NRG3: variants seen among roughly 807,000 people sequenced by gnomAD.
The protein encoded by NRG3 is neuregulin 3.
In NRG3, 31 loss-of-function variants were observed where a neutral mutation model predicts 66.9. The ratio of observed to expected loss-of-function variants is 0.46; its 90% CI spans 0.35 to 0.63. NRG3 has a LOEUF of 0.63. NRG3 is among the 20% of genes least tolerant of loss of function. NRG3 has a pLI of 0.00. For missense variants in NRG3, 910 were observed against 878.9 expected, an observed-to-expected ratio of 1.04 and a Z score of -0.45; for synonymous variants, 393 against 359.4, an observed-to-expected ratio of 1.09 and a Z score of -1.06.
chr10:82,671,667 T>A (rs932542328), intron 2 of NRG3, among the ~76,000 whole-genome samples: 1 of 152,312 alleles, frequency 6.6e-6, no homozygotes, highest in South Asian at 2.1e-4. Flanking sequence ...TCATCCTTTG[T>A]AAAATGAGGT....
chr10:82,018,282 C>G lies in NRG3; in HGVS notation c.823+142119C>G, dbSNP rs536235203. On this transcript the variant is annotated intron_variant, in intron 1 of 8. Coordinates refer to ENST00000372141, the MANE Select transcript of NRG3 (RefSeq NM_001010848.4). ...TTGTTTCTGAGGGCTCTATTCTGTT[C>G]CATTGGTCTACATCTCTCTTTTGGT... is the stretch of plus-strand genomic sequence containing the variant. Among the ~76,000 whole-genome samples the G allele has an allele frequency of 5.3e-5, 8 of 152,210 alleles. No individual in the cohort carries two copies. In the East Asian group the frequency reaches 1.5e-3, roughly 29 times the overall value.
chr10:82,351,320 A>G (rs1212063542), intron 1 of NRG3, among the ~76,000 whole-genome samples: 5 of 152,196 alleles, frequency 3.3e-5, no homozygotes, highest in Non-Finnish European at 7.3e-5. Context: ...TGGGAAATAA[A>G]GTTGTTGTAG....
chr10:82,564,605 A>T (rs2045271073), intron 2 of NRG3, among the ~76,000 whole-genome samples: 1 of 152,066 alleles, frequency 6.6e-6, no homozygotes, highest in Non-Finnish European at 1.5e-5. Context: ...TTTGAACCAT[A>T]GAGAAAGAGA....
At chr10:81,993,282 G>A (rs2060809441) in intron 1 of NRG3, among the ~76,000 whole-genome samples, 1 of 152,172 alleles carries the variant, frequency 6.6e-6, no homozygotes, top group Non-Finnish European at 1.5e-5. Context: ...AAAGCCTAGA[G>A]AGAGGATATT....
At chr10:82,521,282 G>C (rs1230974011) in intron 2 of NRG3, among the ~76,000 whole-genome samples, 2 of 152,150 alleles carry the variant, frequency 1.3e-5, no homozygotes, top group Non-Finnish European at 2.9e-5. Context: ...GGAAGGTCTT[G>C]CCTCGATGTT....
At chr10:82,290,126 G>A (rs1303725832) in intron 1 of NRG3, among the ~76,000 whole-genome samples, 6 of 152,098 alleles carry the variant, frequency 3.9e-5, no homozygotes, top group South Asian at 2.1e-4. Context: ...CTGCTGCACC[G>A]TCATCCTTGG....
intron 4 of NRG3, among the ~76,000 whole-genome samples, chr10:82,917,934 C>CTG (rs34048016): frequency 3.4e-5 from 5 of 144,978 alleles, no homozygotes; most frequent in African/African-American, 1.3e-4. Flanking sequence ...ACACACACCC[C>CTG]TGTGTGTATG....
chr10:81,965,910 A>T (rs1691402154), intron 1 of NRG3, among the ~76,000 whole-genome samples: 1 of 152,116 alleles, frequency 6.6e-6, no homozygotes, highest in South Asian at 2.1e-4. Flanking sequence ...TGGTGTATGT[A>T]TTCAGGACAG....
At chr10:82,357,747 A>G (rs1399630780) in intron 1 of NRG3, among the ~76,000 whole-genome samples, 1 of 152,200 alleles carries the variant, frequency 6.6e-6, no homozygotes, top group African/African-American at 2.4e-5. Flanking sequence ...TATGATTTTG[A>G]GGATTAATTT....
intron 3 of NRG3, among the ~76,000 whole-genome samples, chr10:82,839,111 T>C (rs900123740): frequency 6.6e-6 from 1 of 152,178 alleles, no homozygotes; most frequent in Non-Finnish European, 1.5e-5. Flanking sequence ...AGATGAGATT[T>C]GGGTGGGGAC....
chr10:82,583,867 C>A (rs2046509921), intron 2 of NRG3, among the ~76,000 whole-genome samples: 1 of 152,130 alleles, frequency 6.6e-6, no homozygotes, highest in South Asian at 2.1e-4. Context: ...AACAAATAGA[C>A]CAAAGTCTCA....
At position 81,876,348 on chromosome 10, in the gene NRG3, G is replaced by A. The variant is rs376625668; in HGVS notation, c.823+185G>A. On this transcript the variant is annotated intron_variant, in intron 1 of 8. Coordinates refer to ENST00000372141, the MANE Select transcript of NRG3 (RefSeq NM_001010848.4). ...GAAGGTGCCAGCCTGCTCTGGTTCT[G>A]GGGGGGTGGGGGCGTGTAGGAACGG... is the stretch of plus-strand genomic sequence containing the variant. Among the ~76,000 whole-genome samples the A allele has an allele frequency of 1.1e-4, 16 of 152,188 alleles. No homozygotes were observed. The East Asian group carries it at 3.1e-3, about 29-fold the overall frequency.
At position 82,398,488 on chromosome 10, in the gene NRG3, T is replaced by G. The variant is rs113761590; in HGVS notation, c.953+39620T>G. Among the ~76,000 whole-genome samples the G allele has an allele frequency of 6.5e-3, 837 of 128,410 alleles. 8 individuals are homozygous for G. The highest frequency in any genetic ancestry group is 0.027 in the African/African-American group (657 of 24,364). The allele number at this position is 128,410 out of a possible 152,430, so 84.2% of individuals were successfully genotyped here. A position where few individuals can be genotyped will look rare whatever the true frequency, so the allele number is the denominator to read the frequency against. ...GGATCTTCTAGTCATCTTGGCTTCG[T>G]GTATGTGTGTGTGTGTGTGTGTGTG... On this transcript the variant is annotated intron_variant, in intron 2 of 8. Coordinates refer to ENST00000372141, the MANE Select transcript of NRG3 (RefSeq NM_001010848.4).
At chr10:82,864,066 GTAGAT>G (rs2064289652) in intron 3 of NRG3, among the ~76,000 whole-genome samples, 1 of 152,110 alleles carries the variant, frequency 6.6e-6, no homozygotes, top group African/African-American at 2.4e-5. Context: ...AGGATAGAAA[GTAGAT>G]TAGAAGTTAC....
chr10:82,021,780 T>C (rs935525690), intron 1 of NRG3, among the ~76,000 whole-genome samples: 9 of 145,870 alleles, frequency 6.2e-5, no homozygotes, highest in Middle Eastern at 7.2e-3. Context: ...CTTTTGGGCA[T>C]GTAGTATGTG....
intron 3 of NRG3, among the ~76,000 whole-genome samples, chr10:82,802,048 A>C (rs2061063766): frequency 6.6e-6 from 1 of 152,240 alleles, no homozygotes; most frequent in Non-Finnish European, 1.5e-5. Context: ...AATTTGTTTC[A>C]AATAGCATGT....
intron 1 of NRG3, among the ~76,000 whole-genome samples, chr10:82,130,396 G>A (rs1564590901): frequency 2.0e-5 from 3 of 150,688 alleles, no homozygotes; most frequent in African/African-American, 7.4e-5. Flanking sequence ...CCCCACAACA[G>A]GCCCCAGTGT....
chr10:82,856,271 A>G (rs1001125926), intron 3 of NRG3, among the ~76,000 whole-genome samples: 10 of 152,236 alleles, frequency 6.6e-5, no homozygotes, highest in Middle Eastern at 3.4e-3. Context: ...AGGGTGGAGC[A>G]ATGAAAGAGT....
At chr10:82,463,921 T>G (rs2091639818) in intron 2 of NRG3, among the ~76,000 whole-genome samples, 1 of 152,202 alleles carries the variant, frequency 6.6e-6, no homozygotes. Context: ...TAATGTGTTG[T>G]TACAAATTAA....
Sources: allele counts gnomAD v4.1 joint callset (sites outside exome capture counted in the v4.1 genomes callset), GRCh38; gene constraint gnomAD v4.1.1; transcripts MANE v1.5; gene names NCBI Gene and HGNC (gene_info 2026-07-23, HGNC 2026-07-21).